Variants in GPHN observed in about 807,000 individuals in gnomAD.
GPHN encodes the protein gephyrin.
GPHN carries 17 observed loss-of-function variants against 95.5 expected under a neutral mutation model. The observed-to-expected ratio is 0.18, with a 90% confidence interval of 0.12 to 0.27. The LOEUF (loss-of-function observed/expected upper bound fraction) is 0.27, where lower values mean the gene tolerates loss of function less well. GPHN is among the 10% of genes least tolerant of loss of function. The probability of loss-of-function intolerance (pLI) is 1.00; values close to 1 mark genes in which losing one functional copy is unlikely to be tolerated. For missense variants in GPHN, 660 were observed against 978.1 expected, an observed-to-expected ratio of 0.67 and a Z score of 4.34; for synonymous variants, 320 against 322.5, an observed-to-expected ratio of 0.99 and a Z score of 0.08.
chr14:67,705,528 A>G, the GPHN span, among the ~76,000 whole-genome samples: 1 of 152,244 alleles, frequency 6.6e-6, no homozygotes, highest in Non-Finnish European at 1.5e-5. Flanking sequence ...AGGTTATCAC[A>G]ACTAAATGCA....
the GPHN span, among the ~76,000 whole-genome samples, chr14:67,414,307 C>T: frequency 1.3e-5 from 2 of 152,226 alleles, no homozygotes; most frequent in Admixed American, 1.3e-4. Flanking sequence ...CCAGCCCACC[C>T]TGCCTGACTC....
rs111490393 is a variant in GPHN, at chr14:66,946,539, G to T, written c.829-18652G>T. Among the ~76,000 whole-genome samples, 471 of 152,166 alleles carry T rather than the reference G, an allele frequency of 3.1e-3. 11 individuals are homozygous for T. The highest frequency in any genetic ancestry group is 0.011 in the African/African-American group (446 of 41,510). ...TCCTGCCTCAGCCTCCTGAGTAGCT[G>T]GGATTACAAGCACGCACTACCACAC... On this transcript the variant is annotated intron_variant, in intron 8 of 22. Transcript: ENST00000478722.
At chr14:66,734,780 C>G (rs1449241727) in intron 2 of GPHN, among the ~76,000 whole-genome samples, 1 of 152,120 alleles carries the variant, frequency 6.6e-6, no homozygotes, top group Non-Finnish European at 1.5e-5. Context: ...TTTCTGAAAA[C>G]CATAATCCGT....
At chr14:66,578,836 G>A (rs966646236) in intron 1 of GPHN, among the ~76,000 whole-genome samples, 3 of 151,712 alleles carry the variant, frequency 2.0e-5, no homozygotes, top group African/African-American at 7.3e-5. Flanking sequence ...AATTCTTTAA[G>A]CTGAAAGAAA....
At chr14:66,688,912 CG>C (rs1216300085) in intron 2 of GPHN, among the ~76,000 whole-genome samples, 1 of 9,720 alleles carries the variant, frequency 1.0e-4, no homozygotes, top group Non-Finnish European at 2.0e-4. Flanking sequence ...CGGGGCCTGT[CG>C]GGGGGTGGGG....
intron 2 of GPHN, among the ~76,000 whole-genome samples, chr14:66,768,482 CTT>C (rs2059044585): frequency 6.6e-6 from 1 of 151,902 alleles, no homozygotes; most frequent in South Asian, 2.1e-4. Flanking sequence ...CTATTCCTGA[CTT>C]TTCAATATTC....
At chr14:67,186,310 T>C (rs1438877761), downstream of GPHN, among the ~76,000 whole-genome samples, 1 of 152,098 alleles carries the variant, frequency 6.6e-6, no homozygotes, top group Non-Finnish European at 1.5e-5. Flanking sequence ...TGTTAGACAG[T>C]GACTGGGTGG....
At chr14:66,717,740 T>C (rs891065655) in intron 2 of GPHN, among the ~76,000 whole-genome samples, 2 of 152,180 alleles carry the variant, frequency 1.3e-5, no homozygotes, top group African/African-American at 4.8e-5. Flanking sequence ...TGGCTGTGGC[T>C]TCCTGAGAGC....
intron 3 of GPHN, among the ~76,000 whole-genome samples, chr14:66,781,505 A>C (rs893399720): frequency 6.6e-6 from 1 of 152,134 alleles, no homozygotes; most frequent in African/African-American, 2.4e-5. Context: ...GACGTGAGCC[A>C]CCGCGCCCAG....
At chr14:67,193,536 GAAATATATATCTATATATAGATCTATAT>G in the GPHN span, among the ~76,000 whole-genome samples, 2 of 140,450 alleles carry the variant, frequency 1.4e-5, no homozygotes, top group African/African-American at 5.2e-5. Context: ...TAGATCTATA[GAAATATATATCTATATATAGATCTATAT>G]CTATATAGAT....
Position 66,753,299 on chromosome 14 carries a change from G to C in GPHN, c.144-23165G>C, listed in dbSNP as rs117442656. Among the ~76,000 whole-genome samples, 353 of 152,184 alleles carry C rather than the reference G, an allele frequency of 2.3e-3. 3 individuals are homozygous for C. Among genetic ancestry groups the C allele is most frequent in the Non-Finnish European group, 2.6e-3 (175 of 68,000 alleles). ...TATTTTGGTGTCAGGAGAAGGATGA[G>C]AGATACATGGGGGAGAGCTACTCCC... On this transcript the variant is annotated intron_variant, in intron 2 of 22. Coordinates refer to ENST00000478722, the MANE Select transcript of GPHN (RefSeq NM_020806.5).
chr14:66,728,975 G>A (rs1341787341), intron 2 of GPHN, among the ~76,000 whole-genome samples: 5 of 152,128 alleles, frequency 3.3e-5, no homozygotes, highest in Non-Finnish European at 7.4e-5. Context: ...GAACCTGGTG[G>A]GAGGTAATTG....
At chr14:67,294,016 G>A in the GPHN span, among the ~76,000 whole-genome samples, 1 of 152,090 alleles carries the variant, frequency 6.6e-6, no homozygotes, top group Non-Finnish European at 1.5e-5. Flanking sequence ...GTTGAGAAAA[G>A]CAAAGAACTA....
intron 9 of GPHN, among the ~76,000 whole-genome samples, chr14:66,986,215 T>C (rs537610097): frequency 1.1e-4 from 16 of 152,116 alleles, no homozygotes; most frequent in Non-Finnish European, 2.2e-4. Context: ...ACAATATGTA[T>C]TCAATACACA....
chr14:66,518,605 ATGGG>A (rs1460381690), intron 1 of GPHN, among the ~76,000 whole-genome samples: 1 of 152,154 alleles, frequency 6.6e-6, no homozygotes, highest in Non-Finnish European at 1.5e-5. Flanking sequence ...CAGCAGATTA[ATGGG>A]CAAAGAAATT....
At chr14:67,168,476 T>G (rs2082408521) in intron 20 of GPHN, among the ~76,000 whole-genome samples, 1 of 152,184 alleles carries the variant, frequency 6.6e-6, no homozygotes, top group South Asian at 2.1e-4. Context: ...AATATCCAGG[T>G]AGAGAAGATT....
intron 10 of GPHN, among the ~76,000 whole-genome samples, chr14:67,043,526 T>A (rs573922203): frequency 1.3e-5 from 2 of 152,196 alleles, no homozygotes; most frequent in Non-Finnish European, 2.9e-5. Flanking sequence ...TGTGATGGAT[T>A]ACATTTATTG....
At chr14:66,805,739 C>G (rs1034197726) in intron 3 of GPHN, among the ~76,000 whole-genome samples, 11 of 152,346 alleles carry the variant, frequency 7.2e-5, no homozygotes, top group African/African-American at 2.6e-4. Context: ...CACACTGATG[C>G]AAGAGGTGGG....
the GPHN span, among the ~76,000 whole-genome samples, chr14:67,276,259 T>G: frequency 6.6e-5 from 10 of 152,194 alleles, no homozygotes; most frequent in Non-Finnish European, 1.3e-4. Context: ...TTTATCATTA[T>G]TCATGTACAG....
Sources: allele counts gnomAD v4.1 joint callset (sites outside exome capture counted in the v4.1 genomes callset), GRCh38; gene constraint gnomAD v4.1.1; transcripts MANE v1.5; gene names NCBI Gene and HGNC (gene_info 2026-07-23, HGNC 2026-07-21).